The following DSCAM variants were observed in gnomAD, a reference collection of about 807,000 sequenced individuals.
DSCAM encodes the protein cell adhesion molecule DSCAM.
A neutral mutation model predicts 217.7 loss-of-function variants in DSCAM; 47 were observed. That is an observed-to-expected ratio of 0.22 (90% CI 0.17 to 0.28). DSCAM has a LOEUF of 0.28. DSCAM is among the 10% of genes least tolerant of loss of function. The pLI is 1.00. For missense variants in DSCAM, 2,080 were observed against 2,618.3 expected (o/e 0.79, Z 4.49); for synonymous variants, 1,056 against 1,015.3 (o/e 1.04, Z -0.76).
At chr21:40,478,578 A>G (rs1334853190) in intron 3 of DSCAM, among the ~76,000 whole-genome samples, 1 of 152,250 alleles carries the variant, frequency 6.6e-6, no homozygotes, top group Non-Finnish European at 1.5e-5. Flanking sequence ...CATCCTAAAA[A>G]ATCAGTTCTT....
Position 40,093,810 on chromosome 21 carries a change from TTCC to T in DSCAM, c.3758_3760del (p.Arg1253del). ...CACCACCCAGACGCTGTACTGACGA[TTCC>T]TACTCAGGTTGGGAATTCTGTAGGA... is the stretch of plus-strand genomic sequence containing the variant. On this transcript the variant is annotated inframe_deletion, in exon 21 of 33. Coordinates refer to ENST00000400454, the MANE Select transcript of DSCAM (RefSeq NM_001389.5). 23 of 1,613,936 alleles carry T rather than the reference TTCC, an allele frequency of 1.4e-5. No homozygotes were observed. Among genetic ancestry groups the T allele is most frequent in the Non-Finnish European group, 1.9e-5 (23 of 1,179,958 alleles).
At chr21:40,195,122 T>C (rs1243778859) in intron 11 of DSCAM, among the ~76,000 whole-genome samples, 1 of 152,216 alleles carries the variant, frequency 6.6e-6, no homozygotes, top group Non-Finnish European at 1.5e-5. Flanking sequence ...TTTGTCACTG[T>C]ACGTTTTGAC....
At chr21:40,185,893 T>C (rs2146822912) in intron 14 of DSCAM, among the ~76,000 whole-genome samples, 1 of 152,266 alleles carries the variant, frequency 6.6e-6, no homozygotes, top group African/African-American at 2.4e-5. Context: ...GCAGCATTTC[T>C]TGGCTACGGT....
intron 3 of DSCAM, among the ~76,000 whole-genome samples, chr21:40,481,611 G>A (rs1388182708): frequency 6.7e-6 from 1 of 149,970 alleles, no homozygotes; most frequent in East Asian, 2.0e-4. Flanking sequence ...CAAATACCCA[G>A]CATTTTTCAG....
At chr21:40,133,557 C>A (rs1273394424) in intron 19 of DSCAM, among the ~76,000 whole-genome samples, 1 of 151,524 alleles carries the variant, frequency 6.6e-6, no homozygotes, top group Non-Finnish European at 1.5e-5. Context: ...ACAAGTATTA[C>A]AGCTCTAGGA....
intron 8 of DSCAM, among the ~76,000 whole-genome samples, chr21:40,317,847 G>C (rs1431710534): frequency 1.3e-5 from 2 of 151,994 alleles, no homozygotes; most frequent in Non-Finnish European, 2.9e-5. Context: ...TGTTCATTTT[G>C]ATTGAATAAT....
chr21:40,295,556 G>A (rs776115253), intron 10 of DSCAM, among the ~76,000 whole-genome samples: 7 of 152,204 alleles, frequency 4.6e-5, no homozygotes, highest in East Asian at 1.9e-4. Flanking sequence ...AAAAGAGCAC[G>A]CCAAGGAGAT....
chr21:40,230,727 G>A (rs1467648747), intron 11 of DSCAM, among the ~76,000 whole-genome samples: 1 of 152,148 alleles, frequency 6.6e-6, no homozygotes, highest in South Asian at 2.1e-4. Context: ...AGAGTGTGTT[G>A]TGTTAATTCC....
At chr21:40,220,233 G>A (rs2091278734) in intron 11 of DSCAM, among the ~76,000 whole-genome samples, 1 of 152,186 alleles carries the variant, frequency 6.6e-6, no homozygotes, top group East Asian at 1.9e-4. Context: ...GAGAGTCATT[G>A]TCTGTGTGTG....
chr21:40,317,170 G>A (rs1401055795), intron 8 of DSCAM, among the ~76,000 whole-genome samples: 3 of 152,226 alleles, frequency 2.0e-5, no homozygotes, highest in Non-Finnish European at 4.4e-5. Context: ...GAGGCTGTGA[G>A]CAGGTGGGAG....
chr21:40,577,890 C>G lies in DSCAM; in HGVS notation c.508+114920G>C, dbSNP rs865928851. 3.5e-4 allele frequency among the ~76,000 whole-genome samples: 54 copies of G among 152,250 alleles called. No individual in the cohort carries two copies. In the Middle Eastern group the frequency reaches 0.01, roughly 29 times the overall value. ...CTGCGGATACAGCTCGCCACAGTAT[C>G]TTATCAGTTAATTGCATTCTTGGAT... On this transcript the variant is annotated intron_variant, in intron 3 of 32. Transcript: ENST00000400454.
At chr21:40,766,597 C>G (rs1222030323) in intron 1 of DSCAM, among the ~76,000 whole-genome samples, 1 of 139,366 alleles carries the variant, frequency 7.2e-6, no homozygotes, top group Non-Finnish European at 1.5e-5. Context: ...AAGCCTCACC[C>G]AACTGACAGC....
intron 3 of DSCAM, among the ~76,000 whole-genome samples, chr21:40,583,067 A>C (rs2076917805): frequency 6.6e-6 from 1 of 152,210 alleles, no homozygotes; most frequent in African/African-American, 2.4e-5. Flanking sequence ...ACTATGAATG[A>C]ACTATTGAAG....
At chr21:40,133,601 C>CA (rs951195507) in intron 19 of DSCAM, among the ~76,000 whole-genome samples, 10 of 107,504 alleles carry the variant, frequency 9.3e-5, no homozygotes, top group South Asian at 7.9e-4. Context: ...AATACTTGGC[C>CA]AAAAAAAACA....
chr21:40,140,724 AGG>A (rs2090279517), intron 18 of DSCAM, among the ~76,000 whole-genome samples: 1 of 152,096 alleles, frequency 6.6e-6, no homozygotes, highest in Non-Finnish European at 1.5e-5. Context: ...TTTAGGTGGG[AGG>A]GGTGAAGGTG....
rs58427418 is a variant in DSCAM, at chr21:40,525,009, C to CAAAAAA, written c.509-155770_509-155765dup. ...TGGGCAACAGAGTGAGACTCAGTCTCAAAAAAAAAAAAAAAAAAAAAATCC... is the reference window on the plus strand; with the variant it reads ...TGGGCAACAGAGTGAGACTCAGTCTCAAAAAAAAAAAAAAAAAAAAAAAAAAAATCC... On this transcript the variant is annotated intron_variant, in intron 3 of 32. Transcript: ENST00000400454. 4.5e-3 allele frequency among the ~76,000 whole-genome samples: 251 copies of CAAAAAA among 56,086 alleles called. 14 individuals carry two copies. The highest frequency in any genetic ancestry group is 0.014 in the African/African-American group (237 of 17,102). 36.8% of individuals were successfully genotyped at this position (56,086 alleles called of 152,430 possible).
At chr21:40,188,976 G>C in intron 12 of DSCAM, 66 bp downstream of exon 12, 1 of 1,529,436 alleles carries the variant, frequency 6.5e-7, no homozygotes, top group South Asian at 1.1e-5. Flanking sequence ...ACCCGCTTCT[G>C]TGAAAGGAAA....
chr21:40,236,189 G>A (rs933990319), intron 11 of DSCAM, among the ~76,000 whole-genome samples: 1 of 152,224 alleles, frequency 6.6e-6, no homozygotes, highest in Non-Finnish European at 1.5e-5. Context: ...TGCTTTCTGT[G>A]TATAGGTAGC....
chr21:40,062,831 T>C (rs2089143972), intron 28 of DSCAM, 38 bp downstream of exon 28: 1 of 1,544,036 alleles, frequency 6.5e-7, no homozygotes. Context: ...AATTGTTCTT[T>C]CAAACATGAT....
Sources: allele counts gnomAD v4.1 joint callset (sites outside exome capture counted in the v4.1 genomes callset), GRCh38; gene constraint gnomAD v4.1.1; transcripts MANE v1.5; gene names NCBI Gene and HGNC (gene_info 2026-07-23, HGNC 2026-07-21).